PGM1: variants seen among roughly 807,000 people sequenced by gnomAD.
PGM1 encodes phosphoglucomutase-1.
Under a neutral mutation model 55.6 loss-of-function variants are expected in PGM1, and 52 were observed. The ratio of observed to expected loss-of-function variants is 0.94; its 90% confidence interval spans 0.75 to 1.18. The LOEUF is 1.18. Among genes scored for constraint, PGM1 ranks in the 50% most tolerant of loss-of-function variants. PGM1 has a pLI of 0.00. For missense variants in PGM1, 724 were observed against 729.3 expected (o/e 0.99, Z 0.08); for synonymous variants, 287 against 271.7 (o/e 1.06, Z -0.55).
intron 1 of PGM1, among the ~76,000 whole-genome samples, chr1:63,613,639 T>G (rs1053292262): frequency 4.0e-5 from 6 of 151,854 alleles, no homozygotes; most frequent in African/African-American, 1.5e-4. Flanking sequence ...TGATTACATC[T>G]GCAAAGACCC....
At chr1:63,600,735 G>A (rs1648219299) in intron 1 of PGM1, among the ~76,000 whole-genome samples, 1 of 152,126 alleles carries the variant, frequency 6.6e-6, no homozygotes, top group South Asian at 2.1e-4. Context: ...CCAGACAGAG[G>A]AAGAGTTAGA....
chr1:63,617,358 G>A (rs1240354000), intron 1 of PGM1, among the ~76,000 whole-genome samples: 1 of 152,108 alleles, frequency 6.6e-6, no homozygotes, highest in Non-Finnish European at 1.5e-5. Flanking sequence ...GGTTCAGTGA[G>A]CCCCTATGAG....
At chr1:63,626,767 G>A (rs1426182537) in intron 1 of PGM1, among the ~76,000 whole-genome samples, 4 of 152,042 alleles carry the variant, frequency 2.6e-5, no homozygotes, top group Admixed American at 1.3e-4. Context: ...CCATTTTTAG[G>A]TGTATGGTTC....
At chr1:63,613,703 C>CTTTTT (rs56355869) in intron 1 of PGM1, among the ~76,000 whole-genome samples, 2 of 121,576 alleles carry the variant, frequency 1.6e-5, no homozygotes, top group Non-Finnish European at 1.7e-5. Flanking sequence ...TTCAATGTAT[C>CTTTTT]TTTTTTTTTT....
At chr1:63,604,980 G>A (rs1648376992) in intron 1 of PGM1, among the ~76,000 whole-genome samples, 1 of 149,896 alleles carries the variant, frequency 6.7e-6, no homozygotes, top group Non-Finnish European at 1.5e-5. Context: ...GGATATAGTT[G>A]TATATTTACA....
intron 4 of PGM1, among the ~76,000 whole-genome samples, chr1:63,632,667 G>A (rs1178901083): frequency 1.3e-5 from 2 of 152,202 alleles, no homozygotes; most frequent in South Asian, 2.1e-4. Flanking sequence ...GAACTGGGCA[G>A]ATTACTTTCT....
At chr1:63,643,472 A>G (rs1649569556) in intron 7 of PGM1, among the ~76,000 whole-genome samples, 1 of 152,250 alleles carries the variant, frequency 6.6e-6, no homozygotes, top group South Asian at 2.1e-4. Flanking sequence ...TTCCAGGGGC[A>G]GTAATGAGGC....
chr1:63,641,619 C>T (rs1015861578), intron 7 of PGM1, among the ~76,000 whole-genome samples: 4 of 152,180 alleles, frequency 2.6e-5, no homozygotes, highest in South Asian at 2.1e-4. Context: ...TTCTCAAAAA[C>T]GTTTCCTTGA....
At chr1:63,640,530 TCAC>T (rs762513585) in intron 7 of PGM1, among the ~76,000 whole-genome samples, 1 of 152,314 alleles carries the variant, frequency 6.6e-6, no homozygotes, top group East Asian at 1.9e-4. Flanking sequence ...TACAATATCA[TCAC>T]CACAATAATG....
chr1:63,593,551 G>T lies in PGM1; in HGVS notation c.63G>T (p.Gly21=), dbSNP rs1647928425. ...AYQDQKPGTS[G]LRKRVKVFQS... is the part of the protein sequence containing the mutation. Reference sequence around the variant, plus strand: ...AGGACCAGAAGCCGGGCACGAGCGGGCTGCGGAAGCGGGTGAAGGTGTTCC... The same window carrying T: ...AGGACCAGAAGCCGGGCACGAGCGGTCTGCGGAAGCGGGTGAAGGTGTTCC... Residue 21 remains glycine (G), a synonymous_variant, in exon 1 of 11, where the codon GGG becomes GGT. Transcript: ENST00000371084. The T allele has an allele frequency of 6.2e-7, 1 of 1,613,830 alleles. No homozygotes were observed. The highest frequency in any genetic ancestry group is 8.5e-7 in the Non-Finnish European group (1 of 1,179,962).
At chr1:63,658,419 C>T (rs1466416361) in intron 10 of PGM1, among the ~76,000 whole-genome samples, 2 of 136,480 alleles carry the variant, frequency 1.5e-5, no homozygotes, top group African/African-American at 2.8e-5. Context: ...TTTCTTTAAG[C>T]GAGAAGTAGA....
chr1:63,633,257 G>T (rs1036571645), intron 4 of PGM1, among the ~76,000 whole-genome samples: 4 of 152,160 alleles, frequency 2.6e-5, no homozygotes, highest in Non-Finnish European at 4.4e-5. Context: ...AGGCATGAAG[G>T]CTTAAAAATG....
intron 1 of PGM1, among the ~76,000 whole-genome samples, chr1:63,618,203 T>C (rs1460838412): frequency 6.6e-6 from 1 of 152,228 alleles, no homozygotes. Flanking sequence ...ATATTACTAG[T>C]AACTGGTAGA....
intron 4 of PGM1, among the ~76,000 whole-genome samples, chr1:63,633,905 TGTGTGTGTGTGTGTA>T: frequency 2.0e-5 from 1 of 50,784 alleles, no homozygotes; most frequent in African/African-American, 1.0e-4. Flanking sequence ...TGTGTGTGTG[TGTGTGTGTGTGTGTA>T]TATATATATA....
At chr1:63,623,787 T>A in intron 1 of PGM1, 1 of 1,517,572 alleles carries the variant, frequency 6.6e-7, no homozygotes, top group Non-Finnish European at 9.0e-7. Context: ...TATTGTTATG[T>A]TTCTGGCTCT....
In PGM1 at chr1:63,651,727, G is replaced by A. The variant is rs1649812558; in HGVS notation, c.1339G>A (p.Ala447Thr). 1 of 1,613,816 alleles carries A rather than the reference G, an allele frequency of 6.2e-7. No individual in the cohort carries two copies. Among genetic ancestry groups the A allele is most frequent in the East Asian group, 2.2e-5 (1 of 44,844 alleles). ...GANKMMKDLE[A>T]LMFDRSFVGK... ...AAACAAAATGATGAAGGACTTGGAG[G>A]CCCTGATGTTTGATCGCTCCTTTGT... is the stretch of plus-strand genomic sequence containing the variant. Residue 447 changes from alanine to threonine, a missense_variant, in exon 9 of 11, where the codon GCC (alanine) becomes ACC (threonine). By Grantham distance (58) the Ala-to-Thr change is moderately conservative (BLOSUM62 0). Around this residue, in one of 3 missense-constraint regions of PGM1, gnomAD observed 316 missense variants for 313.1 expected, o/e 1.01. Coordinates refer to ENST00000371084, the MANE Select transcript of PGM1 (RefSeq NM_002633.3).
rs368715944 is a variant in PGM1, at chr1:63,655,956, C to G, written c.1599+1490C>G. On this transcript the variant is annotated intron_variant, in intron 10 of 10. Transcript: ENST00000371084. Reference sequence around the variant, plus strand: ...GAACCGGCCCAAGTTGGAAACAGAGCAGGTCAAAACTCCCATGCCGATGAG... The same window carrying G: ...GAACCGGCCCAAGTTGGAAACAGAGGAGGTCAAAACTCCCATGCCGATGAG... 7.9e-5 allele frequency: 12 copies of G among 152,292 alleles called. 3 individuals carry two copies. Among genetic ancestry groups the G allele is most frequent in the East Asian group, 1.9e-4 (1 of 5,184 alleles). 9.4% of individuals were successfully genotyped at this position (152,292 alleles called of 1,614,324 possible). A position where few individuals can be genotyped will look rare whatever the true frequency, so the allele number is the denominator to read the frequency against.
chr1:63,640,947 A>G (rs909006759), intron 7 of PGM1, among the ~76,000 whole-genome samples: 15 of 152,166 alleles, frequency 9.9e-5, no homozygotes, highest in African/African-American at 3.6e-4. Context: ...ATTTCTAGTG[A>G]TTAGGACACT....
At chr1:63,637,685 C>T (rs1649398556) in intron 6 of PGM1, among the ~76,000 whole-genome samples, 1 of 152,194 alleles carries the variant, frequency 6.6e-6, no homozygotes, top group Admixed American at 6.5e-5. Flanking sequence ...AAATTATGAG[C>T]TGGTTTGAGG....
Sources: allele counts gnomAD v4.1 joint callset (sites outside exome capture counted in the v4.1 genomes callset), GRCh38; gene constraint gnomAD v4.1.1; regional missense constraint gnomAD v4.1.1; transcripts MANE v1.5; gene names NCBI Gene and HGNC (gene_info 2026-07-23, HGNC 2026-07-21).